The following DPP6 variants were observed in gnomAD, a reference collection of about 807,000 sequenced individuals.
The protein encoded by DPP6 is A-type potassium channel modulatory protein DPP6.
In DPP6, 69 loss-of-function variants were observed where a neutral mutation model predicts 122.6. That is an observed-to-expected ratio of 0.56 (90% CI 0.46 to 0.69). The LOEUF is 0.69. Ranked by LOEUF, DPP6 falls within the 30% of genes least tolerant of loss-of-function variation. The probability of loss-of-function intolerance (pLI) is 0.00; values close to 1 mark genes in which losing one functional copy is unlikely to be tolerated. For missense variants in DPP6, 928 were observed against 1,116.9 expected (o/e 0.83, Z 2.41); for synonymous variants, 418 against 433.1 (o/e 0.97, Z 0.43).
intron 1 of DPP6, among the ~76,000 whole-genome samples, chr7:154,302,355 G>A (rs1265392735): frequency 1.3e-5 from 2 of 152,166 alleles, no homozygotes; most frequent in African/African-American, 2.4e-5. Flanking sequence ...CCAATGGCAG[G>A]ATATCTCGCT....
intron 8 of DPP6, among the ~76,000 whole-genome samples, chr7:154,748,228 C>T (rs1843129869): frequency 1.3e-5 from 2 of 152,200 alleles, no homozygotes; most frequent in Admixed American, 6.5e-5. Context: ...TGGGAGTCGG[C>T]TTGCTCCTCT....
intron 1 of DPP6, among the ~76,000 whole-genome samples, chr7:154,362,259 A>G (rs1811793541): frequency 6.6e-6 from 1 of 152,238 alleles, no homozygotes; most frequent in East Asian, 1.9e-4. Flanking sequence ...GGCTTCGCTC[A>G]GGAAAGAAGC....
intron 2 of DPP6, among the ~76,000 whole-genome samples, chr7:154,455,336 A>G (rs1208093982): frequency 1.3e-5 from 2 of 152,194 alleles, no homozygotes; most frequent in African/African-American, 4.8e-5. Context: ...CTGCTGAGTC[A>G]GAAGAAGGCA....
chr7:154,291,376 C>T (rs6955109), intron 1 of DPP6, among the ~76,000 whole-genome samples: 16,415 of 152,170 alleles, frequency 0.11, 1,317 homozygotes, highest in African/African-American at 0.21. Context: ...ACAGCCCCTA[C>T]CCCTAGAAGT....
At chr7:154,777,788 G>C (rs923251790) in intron 10 of DPP6, among the ~76,000 whole-genome samples, 1 of 152,072 alleles carries the variant, frequency 6.6e-6, no homozygotes, top group African/African-American at 2.4e-5. Flanking sequence ...CAGAACCCAA[G>C]ACACAAAACC....
chr7:154,888,871 A>G (rs1042029424), intron 23 of DPP6, among the ~76,000 whole-genome samples: 15 of 152,358 alleles, frequency 9.8e-5, no homozygotes, highest in Admixed American at 2.6e-4. Context: ...AGCTGGTCAC[A>G]TCTTACACAG....
chr7:154,682,406 G>A (rs1462848669), intron 7 of DPP6, among the ~76,000 whole-genome samples: 1 of 152,244 alleles, frequency 6.6e-6, no homozygotes, highest in Non-Finnish European at 1.5e-5. Flanking sequence ...AGGACACCGA[G>A]GTGATCGTCT....
rs535510109 is a variant in DPP6 at position 154,079,378 on chromosome 7, A to C, written c.243+26315A>C. Among the ~76,000 whole-genome samples, 3 of 152,332 alleles carry C rather than the reference A, an allele frequency of 2.0e-5. No individual in the cohort carries two copies. The East Asian group carries it at 5.8e-4, about 29-fold the overall frequency. ...ACATCAGGTGGCCTTTGCTTGCAAG[A>C]AATCAGCCTTTGGAACCTGTGGAGA... is the stretch of plus-strand genomic sequence containing the variant. On this transcript the variant is annotated intron_variant, in intron 1 of 25. Coordinates refer to ENST00000377770, the MANE Select transcript of DPP6 (RefSeq NM_130797.4).
At chr7:154,458,378 G>T (rs1274591260) in intron 2 of DPP6, among the ~76,000 whole-genome samples, 1 of 152,280 alleles carries the variant, frequency 6.6e-6, no homozygotes, top group East Asian at 1.9e-4. Context: ...CACCATGATT[G>T]TGAGGCCTCC....
At position 154,688,386 on chromosome 7, in the gene DPP6, G is replaced by A. The variant is rs528871209; in HGVS notation, c.762+18945G>A. ...TTTATAATTTTCTCCAAAACAGCTTGCAAAGCTGGTTTAAATTTACTCTTA... is the reference window on the plus strand; with the variant it reads ...TTTATAATTTTCTCCAAAACAGCTTACAAAGCTGGTTTAAATTTACTCTTA... On this transcript the variant is annotated intron_variant, in intron 7 of 25. Coordinates refer to ENST00000377770, the MANE Select transcript of DPP6 (RefSeq NM_130797.4). 5.3e-5 allele frequency among the ~76,000 whole-genome samples: 8 copies of A among 152,250 alleles called. No homozygotes were observed. The East Asian group carries it at 1.5e-3, about 29-fold the overall frequency.
At position 154,483,900 on chromosome 7, in the gene DPP6, G is replaced by T. The variant is rs1586417059; in HGVS notation, c.457+8863G>T. Among the ~76,000 whole-genome samples, 1 of 152,080 alleles carries T rather than the reference G, an allele frequency of 6.6e-6. No homozygotes were observed. The highest frequency in any genetic ancestry group is 1.5e-5 in the Non-Finnish European group (1 of 68,008). ...AGCAGAGACAGGGTTTCCCCATATT[G>T]CTCAGGCTGGTCTTGAACTCCTGAC... On this transcript the variant is annotated intron_variant, in intron 3 of 25. Transcript: ENST00000377770. This position sits in a 1 kb window ranked among gnomAD's most constrained non-coding sequence, Gnocchi z 8.1.
At chr7:154,510,528 T>C (rs2129783315) in intron 3 of DPP6, among the ~76,000 whole-genome samples, 1 of 151,988 alleles carries the variant, frequency 6.6e-6, no homozygotes, top group Admixed American at 6.5e-5. Flanking sequence ...TGAAACCCCA[T>C]CTCTATTAAA....
At chr7:154,488,697 T>TAC (rs1824011588) in intron 3 of DPP6, among the ~76,000 whole-genome samples, 1 of 152,136 alleles carries the variant, frequency 6.6e-6, no homozygotes, top group South Asian at 2.1e-4. Context: ...CCATCGTCTC[T>TAC]ACACAGCCCA....
chr7:153,995,117 T>A (rs1797361741), intron 1 of DPP6, among the ~76,000 whole-genome samples: 1 of 152,240 alleles, frequency 6.6e-6, no homozygotes, highest in Non-Finnish European at 1.5e-5. Flanking sequence ...TGTGCTTCAC[T>A]GCAGTTGCTA....
intron 1 of DPP6, among the ~76,000 whole-genome samples, chr7:154,250,989 G>A (rs1802316024): frequency 6.6e-6 from 1 of 152,220 alleles, no homozygotes; most frequent in African/African-American, 2.4e-5. Flanking sequence ...CCAAGTGAAT[G>A]GACTTCCCGA....
intron 7 of DPP6, among the ~76,000 whole-genome samples, chr7:154,689,774 A>G (rs1357133728): frequency 1.3e-5 from 2 of 152,226 alleles, no homozygotes; most frequent in African/African-American, 4.8e-5. Flanking sequence ...AATTATATCA[A>G]TTTGCAGTGC....
At chr7:154,283,892 C>A (rs1372624309) in intron 1 of DPP6, among the ~76,000 whole-genome samples, 1 of 152,206 alleles carries the variant, frequency 6.6e-6, no homozygotes. Context: ...GGACACGAAT[C>A]ATTTCAGGGC....
In DPP6 at chr7:154,071,789, G is replaced by T. The variant is rs142754808; in HGVS notation, c.243+18726G>T. ...TATGTTCTAGGATGTCTTCAAATGA[G>T]AGTAAAAGAGGACACCGTTGTCTTA... On this transcript the variant is annotated intron_variant, in intron 1 of 25. Coordinates refer to ENST00000377770, the MANE Select transcript of DPP6 (RefSeq NM_130797.4). 7.1e-3 allele frequency among the ~76,000 whole-genome samples: 1,088 copies of T among 152,312 alleles called. 4 individuals carry two copies. Among genetic ancestry groups the T allele is most frequent in the Non-Finnish European group, 0.011 (720 of 68,022 alleles).
intron 1 of DPP6, among the ~76,000 whole-genome samples, chr7:154,079,459 G>A (rs1803827801): frequency 6.6e-6 from 1 of 152,198 alleles, no homozygotes; most frequent in African/African-American, 2.4e-5. Context: ...GAAGGGAAGA[G>A]ACTCACCCCG....
Sources: allele counts gnomAD v4.1 joint callset (sites outside exome capture counted in the v4.1 genomes callset), GRCh38; gene constraint gnomAD v4.1.1; non-coding constraint Gnocchi (gnomAD v3.1); transcripts MANE v1.5; gene names NCBI Gene and HGNC (gene_info 2026-07-23, HGNC 2026-07-21).